C2orf76: variants seen among roughly 807,000 people sequenced by gnomAD.
C2orf76 encodes the protein UPF0538 protein C2orf76.
Under a neutral mutation model 16.9 loss-of-function variants are expected in C2orf76, and 23 were observed. The observed-to-expected ratio is 1.36, with a 90% confidence interval of 0.98 to 1.93. C2orf76 has a LOEUF of 1.93. C2orf76 is among the 30% of genes most tolerant of loss of function. The probability of loss-of-function intolerance (pLI) is 0.00; values close to 1 mark genes in which losing one functional copy is unlikely to be tolerated. For synonymous variants in C2orf76, 48 were observed against 52.3 expected (o/e 0.92, Z 0.35); for missense variants, 152 against 152.6 (o/e 1.00, Z 0.02).
chr2:119,357,634 A>G lies in C2orf76; in HGVS notation c.-13+9156T>C, dbSNP rs566399311. Among the ~76,000 whole-genome samples the G allele has an allele frequency of 2.6e-5, 4 of 151,990 alleles. No individual in the cohort carries two copies. In the East Asian group the frequency reaches 7.7e-4, roughly 29 times the overall value. ...AAAACTAGAGCTAACGTTAGACTTC[A>G]TAATGAAAGACTGAATGCTTTCCCC... On this transcript the variant is annotated intron_variant, in intron 1 of 5. Transcript: ENST00000334816.
intron 2 of C2orf76, among the ~76,000 whole-genome samples, chr2:119,335,389 C>G (rs1159679407): frequency 6.6e-6 from 1 of 152,166 alleles, no homozygotes; most frequent in East Asian, 1.9e-4. Context: ...ATTCTAAGAA[C>G]AGGGCATGTA....
At chr2:119,366,977 A>G, upstream of C2orf76, 1 of 1,597,702 alleles carries the variant, frequency 6.3e-7, no homozygotes, top group Non-Finnish European at 8.6e-7. Flanking sequence ...GGCGCTTGCC[A>G]GTGCAATCTG....
intron 1 of C2orf76, among the ~76,000 whole-genome samples, chr2:119,359,731 T>C (rs1361912109): frequency 6.6e-6 from 1 of 152,216 alleles, no homozygotes; most frequent in Non-Finnish European, 1.5e-5. Context: ...TGCCAGCGGA[T>C]TAGGAGTTAC....
rs189985749 is a variant in C2orf76 at position 119,352,845 on chromosome 2, G to A, written c.-12-12874C>T. 1.3e-4 allele frequency among the ~76,000 whole-genome samples: 20 copies of A among 152,138 alleles called. No individual in the cohort carries two copies. The East Asian group carries it at 2.9e-3, about 22-fold the overall frequency. On this transcript the variant is annotated intron_variant, in intron 1 of 5. Coordinates refer to ENST00000334816, the MANE Select transcript of C2orf76 (RefSeq NM_001322331.2). ...AGAGTGATTACATATACATACCTAC[G>A]TATGTATGTATATGTAATCATGCTA... is the stretch of plus-strand genomic sequence containing the variant.
At chr2:119,345,600 A>G (rs1680171465) in intron 1 of C2orf76, among the ~76,000 whole-genome samples, 1 of 152,222 alleles carries the variant, frequency 6.6e-6, no homozygotes, top group Admixed American at 6.5e-5. Flanking sequence ...CTAACAAGGC[A>G]CTAATTTGTT....
chr2:119,349,517 A>C (rs1680314194), intron 1 of C2orf76, among the ~76,000 whole-genome samples: 1 of 152,192 alleles, frequency 6.6e-6, no homozygotes, highest in Admixed American at 6.5e-5. Flanking sequence ...TCAGTGGTAT[A>C]CGTCAACATC....
At chr2:119,300,900 T>C (rs1323740363), downstream of C2orf76, among the ~76,000 whole-genome samples, 2 of 152,208 alleles carry the variant, frequency 1.3e-5, no homozygotes, top group Non-Finnish European at 2.9e-5. Flanking sequence ...AGTTGCACCA[T>C]CTATAAAAGT....
rs1241472489 is a variant in C2orf76, at chr2:119,314,995, G to A, written c.222+2471C>T. Among the ~76,000 whole-genome samples the A allele has an allele frequency of 2.6e-5, 4 of 152,160 alleles. No homozygotes were observed. In the East Asian group the frequency reaches 5.8e-4, roughly 22 times the overall value. On this transcript the variant is annotated intron_variant, in intron 4 of 5. Coordinates refer to ENST00000334816, the MANE Select transcript of C2orf76 (RefSeq NM_001322331.2). ...AGTTTAGATGCGTATTTTCAAGTGT[G>A]TGTGTGGTGAGGGGTGAGGAAGGAC... is the stretch of plus-strand genomic sequence containing the variant.
chr2:119,309,035 T>C (rs1302421162), intron 5 of C2orf76, among the ~76,000 whole-genome samples: 2 of 152,188 alleles, frequency 1.3e-5, no homozygotes, highest in Admixed American at 6.5e-5. Context: ...GAATCAGGTT[T>C]TGGACCCAAG....
At chr2:119,304,231 C>G (rs1678706785) in intron 5 of C2orf76, among the ~76,000 whole-genome samples, 1 of 152,230 alleles carries the variant, frequency 6.6e-6, no homozygotes, top group Admixed American at 6.5e-5. Flanking sequence ...ACACCCTGTT[C>G]TTAATAATCA....
At chr2:119,317,764 C>T (rs1195307505) in intron 3 of C2orf76, among the ~76,000 whole-genome samples, 1 of 152,038 alleles carries the variant, frequency 6.6e-6, no homozygotes. Flanking sequence ...GTCAACTCAG[C>T]ACATTTTTTC....
At chr2:119,318,531 A>ATT (rs1679248370) in intron 3 of C2orf76, among the ~76,000 whole-genome samples, 1 of 138,728 alleles carries the variant, frequency 7.2e-6, no homozygotes, top group Non-Finnish European at 1.6e-5. Flanking sequence ...TATCTATTGC[A>ATT]ATTTTTTTTT....
At chr2:119,336,142 C>A (rs1366988101) in intron 2 of C2orf76, among the ~76,000 whole-genome samples, 4 of 152,126 alleles carry the variant, frequency 2.6e-5, no homozygotes, top group Non-Finnish European at 1.5e-5. Flanking sequence ...CACCTGTAAT[C>A]CCAGCACTTT....
chr2:119,334,703 A>AC (rs376852438), intron 2 of C2orf76, among the ~76,000 whole-genome samples: 2 of 146,132 alleles, frequency 1.4e-5, no homozygotes, highest in African/African-American at 5.0e-5. Context: ...AAAAAAACAA[A>AC]ATATATATAT....
At chr2:119,286,643 C>G in the C2orf76 span, among the ~76,000 whole-genome samples, 2 of 152,038 alleles carry the variant, frequency 1.3e-5, no homozygotes, top group Non-Finnish European at 2.9e-5. Flanking sequence ...AGGACCCATC[C>G]GATGGTTCTG....
At chr2:119,339,794 C>T (rs779495414) in intron 2 of C2orf76, 33 bp downstream of exon 2, 1 of 1,563,104 alleles carries the variant, frequency 6.4e-7, no homozygotes, top group South Asian at 1.1e-5. Context: ...TTAAAAACTA[C>T]TAGTAAAACA....
intron 2 of C2orf76, 136 bp from the exon 3 acceptor site, chr2:119,321,340 A>G (rs1000603494): frequency 1.8e-6 from 1 of 540,862 alleles, no homozygotes. Flanking sequence ...GAATAAATAC[A>G]TCACCGAAAT....
the C2orf76 span, among the ~76,000 whole-genome samples, chr2:119,283,132 C>A: frequency 6.6e-6 from 1 of 152,226 alleles, no homozygotes; most frequent in South Asian, 2.1e-4. Context: ...AAGCCCAAGT[C>A]CCTGAGAGAC....
intron 4 of C2orf76, among the ~76,000 whole-genome samples, chr2:119,316,951 A>G (rs1276149063): frequency 6.6e-6 from 1 of 152,246 alleles, no homozygotes; most frequent in African/African-American, 2.4e-5. Flanking sequence ...TCTCTTTGGG[A>G]AAGGTAAGAC....
Sources: allele counts gnomAD v4.1 joint callset (sites outside exome capture counted in the v4.1 genomes callset), GRCh38; gene constraint gnomAD v4.1.1; transcripts MANE v1.5; gene names NCBI Gene and HGNC (gene_info 2026-07-23, HGNC 2026-07-21).